Variants in TRIM17 observed in about 807,000 individuals in gnomAD.
TRIM17 encodes the protein tripartite motif containing 17.
A neutral mutation model predicts 35.8 loss-of-function variants in TRIM17; 27 were observed. The ratio of observed to expected loss-of-function variants is 0.75; its 90% CI spans 0.56 to 1.04. TRIM17 has a LOEUF of 1.04. Among genes scored for constraint, TRIM17 ranks in the 50% least tolerant of loss-of-function variants. TRIM17 has a pLI of 0.00. For missense variants in TRIM17, 582 were observed against 612.8 expected, an observed-to-expected ratio of 0.95 and a Z score of 0.53; for synonymous variants, 246 against 252.6, an observed-to-expected ratio of 0.97 and a Z score of 0.25.
At chr1:228,409,367 C>T (rs1392600420) in intron 5 of TRIM17, 22 bp downstream of exon 5, 24 of 1,588,420 alleles carry the variant, frequency 1.5e-5, no homozygotes, top group Non-Finnish European at 2.0e-5. Context: ...TGCCCCCGCC[C>T]CTGCCTGAGG....
chr1:228,408,186 T>A lies in TRIM17; in HGVS notation c.*15A>T. ...TGCAGAGCCAGGAGCAGTGCCCGAGTCCCCCGGTCTGTGTCTATCCTTTCA... is the reference window on the plus strand; with the variant it reads ...TGCAGAGCCAGGAGCAGTGCCCGAGACCCCCGGTCTGTGTCTATCCTTTCA... On this transcript the variant is annotated 3_prime_UTR_variant, in exon 7 of 7. Coordinates refer to ENST00000366698, the MANE Select transcript of TRIM17 (RefSeq NM_016102.4). This position sits in a 1 kb window ranked among gnomAD's most constrained non-coding sequence, Gnocchi z 6.3. 1 of 1,509,232 alleles carries A rather than the reference T, an allele frequency of 6.6e-7. No individual in the cohort carries two copies. The highest frequency in any genetic ancestry group is 1.4e-5 in the African/African-American group (1 of 71,430). 93.5% of individuals were successfully genotyped at this position (1,509,232 alleles called of 1,614,324 possible).
chr1:228,409,258 A>G lies in TRIM17; in HGVS notation c.797T>C (p.Val266Ala). Residue 266 changes from valine to alanine, a missense_variant, in exon 6 of 7, where the codon GTG (valine) becomes GCG (alanine). Coordinates refer to ENST00000366698, the MANE Select transcript of TRIM17 (RefSeq NM_016102.4). ...EPLSRKNNVS[V>A]QCPEVAPPTR... ...TGGGGGGGCAACCTCTGGGCACTGC[A>G]CACTCACGTTGTTCTTCCTCCGGTG... is the stretch of plus-strand genomic sequence containing the variant. 1.2e-6 allele frequency: 2 copies of G among 1,613,728 alleles called. No homozygotes were observed. The highest frequency in any genetic ancestry group is 4.5e-5 in the East Asian group (2 of 44,842).
At position 228,410,874 on chromosome 1, in the gene TRIM17, C is replaced by T. The variant is rs1656736290; in HGVS notation, c.756+72G>A. 1 of 1,169,838 alleles carries T rather than the reference C, an allele frequency of 8.5e-7. No homozygotes were observed. Among genetic ancestry groups the T allele is most frequent in the African/African-American group, 1.5e-5 (1 of 64,584 alleles). The allele number at this position is 1,169,838 out of a possible 1,614,324, so 72.5% of individuals were successfully genotyped here. A position where few individuals can be genotyped will look rare whatever the true frequency, so the allele number is the denominator to read the frequency against. On this transcript the variant is annotated intron_variant, in intron 4 of 6. Coordinates refer to ENST00000366698, the MANE Select transcript of TRIM17 (RefSeq NM_016102.4). The surrounding 1 kb of genome is among the most constrained non-coding windows in gnomAD (Gnocchi z 4.6). ...CCTTTCCCGTTGGCTGCCTCTTCCC[C>T]AAGCCCAGCGCCCCCTGCCCATGCC...
chr1:228,411,070 T>C lies in TRIM17; in HGVS notation c.632A>G (p.Glu211Gly), dbSNP rs1362210691. 2.5e-6 allele frequency: 4 copies of C among 1,613,878 alleles called. No homozygotes were observed. In the African/African-American group the frequency reaches 5.3e-5, roughly 22 times the overall value. The change falls in exon 4 of 7, where the codon GAA (glutamate) becomes GGA (glycine). Residue 211 changes from glutamate (E) to glycine (G), a missense_variant. By Grantham distance (98) the Glu-to-Gly change is moderately conservative. Coordinates refer to ENST00000366698, the MANE Select transcript of TRIM17 (RefSeq NM_016102.4). This position sits in a 1 kb window ranked among gnomAD's most constrained non-coding sequence, Gnocchi z 4.2. Reference protein sequence around the residue: ...QRLLQALETEEEETASRLRES... With the variant: ...QRLLQALETEGEETASRLRES... The stretch of plus-strand genomic sequence containing the variant: ...CCGGAGCCTGCTGGCAGTCTCCTCT[T>C]CTTCCGTCTCCAGAGCCTGGAGGAG...
chr1:228,409,578 T>C, intron 4 of TRIM17, 167 bp from the exon 5 acceptor site: 1 of 603,952 alleles, frequency 1.7e-6, no homozygotes, highest in Non-Finnish European at 2.8e-6. Flanking sequence ...CCCACTGCCC[T>C]AGCTCCCACT....
Position 228,416,745 on chromosome 1 carries a change from G to C in TRIM17, c.-248C>G, listed in dbSNP as rs1313253029. On this transcript the variant is annotated 5_prime_UTR_variant, in exon 1 of 7. Transcript: ENST00000366698. ...GGGAATGCTGGGCGAGGGAGTGTTC[G>C]GCGGCCGGGACTGGGGCGGCGCCTC... is the stretch of plus-strand genomic sequence containing the variant. 7 of 983,364 alleles carry C rather than the reference G, an allele frequency of 7.1e-6. No homozygotes were observed. The highest frequency in any genetic ancestry group is 8.4e-6 in the Non-Finnish European group (7 of 828,688). 60.9% of individuals were successfully genotyped at this position (983,364 alleles called of 1,614,324 possible).
chr1:228,415,451 T>C (rs1657055508), intron 1 of TRIM17: 1 of 194,788 alleles, frequency 5.1e-6, no homozygotes, highest in Non-Finnish European at 1.1e-5. Flanking sequence ...AACCTGCCTT[T>C]CTGGAGAAGC....
At position 228,416,689 on chromosome 1, in the gene TRIM17, C is replaced by T; in HGVS notation, c.-192G>A. ...GTCGGGAGGCCTAGGGACTTTGTGG[C>T]GTCAGCGGGGGCTGGGGGGCGGCGG... On this transcript the variant is annotated 5_prime_UTR_variant, in exon 1 of 7. Transcript: ENST00000366698. 1 of 854,444 alleles carries T rather than the reference C, an allele frequency of 1.2e-6. No individual in the cohort carries two copies. The highest frequency in any genetic ancestry group is 1.4e-6 in the Non-Finnish European group (1 of 735,408). The allele number at this position is 854,444 out of a possible 1,614,324, so 52.9% of individuals were successfully genotyped here. A position where few individuals can be genotyped will look rare whatever the true frequency, so the allele number is the denominator to read the frequency against.
rs1574104786 is a variant in TRIM17, at chr1:228,416,683, T to C, written c.-186A>G. The C allele has an allele frequency of 2.0e-6, 2 of 978,234 alleles. No individual in the cohort carries two copies. Among genetic ancestry groups the C allele is most frequent in the Non-Finnish European group, 2.4e-6 (2 of 826,984 alleles). 60.6% of individuals were successfully genotyped at this position (978,234 alleles called of 1,614,324 possible). A position where few individuals can be genotyped will look rare whatever the true frequency, so the allele number is the denominator to read the frequency against. On this transcript the variant is annotated 5_prime_UTR_variant, in exon 1 of 7. Transcript: ENST00000366698. ...CCTGGGGTCGGGAGGCCTAGGGACT[T>C]TGTGGCGTCAGCGGGGGCTGGGGGG... is the stretch of plus-strand genomic sequence containing the variant.
In TRIM17 at chr1:228,411,129, C is replaced by G. The variant is rs1294354661; in HGVS notation, c.573G>C (p.Lys191Asn). 6.8e-6 allele frequency: 11 copies of G among 1,614,066 alleles called. No individual in the cohort carries two copies. Among genetic ancestry groups the G allele is most frequent in the Middle Eastern group, 1.7e-4 (1 of 6,058 alleles). ...RRERIVLEFE[K>N]MNLYLVEEEQ... Reference sequence around the variant, plus strand: ...CTTCTTCCACCAGGTAGAGGTTCATCTTCTCAAACTCCAGCACAATGCGTT... The same window carrying G: ...CTTCTTCCACCAGGTAGAGGTTCATGTTCTCAAACTCCAGCACAATGCGTT... Residue 191 changes from lysine (K) to asparagine (N), a missense_variant, in exon 4 of 7, where the codon AAG becomes AAC. By Grantham distance (94) the Lys-to-Asn change is moderately conservative. Transcript: ENST00000366698. This position sits in a 1 kb window ranked among gnomAD's most constrained non-coding sequence, Gnocchi z 4.2.
intron 3 of TRIM17, among the ~76,000 whole-genome samples, chr1:228,413,445 C>T (rs374811725): frequency 1.3e-5 from 2 of 151,470 alleles, no homozygotes; most frequent in African/African-American, 4.9e-5. Context: ...ATTGAGCCCC[C>T]ACCTTCTGGC....
At chr1:228,414,556 ACCT>A in intron 2 of TRIM17, 85 bp downstream of exon 2, 1 of 1,166,804 alleles carries the variant, frequency 8.6e-7, no homozygotes, top group Non-Finnish European at 1.2e-6. Context: ...GTCCCTGGAC[ACCT>A]CCTCCCTCCC....
chr1:228,414,108 C>T (rs1558458577), intron 2 of TRIM17, among the ~76,000 whole-genome samples: 2 of 152,222 alleles, frequency 1.3e-5, no homozygotes, highest in African/African-American at 4.8e-5. Flanking sequence ...GACCCTCGGC[C>T]TTCCTAAGAG....
At position 228,414,975 on chromosome 1, in the gene TRIM17, T is replaced by C; in HGVS notation, c.98A>G (p.His33Arg). 1 of 1,613,288 alleles carries C rather than the reference T, an allele frequency of 6.2e-7. No homozygotes were observed. Among genetic ancestry groups the C allele is most frequent in the Non-Finnish European group, 8.5e-7 (1 of 1,180,022 alleles). The change falls in exon 2 of 7, where the codon CAC becomes CGC. Residue 33 changes from histidine to arginine, a missense_variant. His to Arg is a conservative substitution (Grantham distance 29). Coordinates refer to ENST00000366698, the MANE Select transcript of TRIM17 (RefSeq NM_016102.4). ...CTGGATGCAGGCTCGGCAGAAGTTG[T>C]GGCCACAGGTGGTCATCACAGGGTC... ...FTDPVMTTCG[H>R]NFCRACIQLS...
rs200403051 is a variant in TRIM17 at position 228,413,845 on chromosome 1, C to T, written c.477G>A (p.Arg159=). 133 of 1,614,110 alleles carry T rather than the reference C, an allele frequency of 8.2e-5. No homozygotes were observed. Among genetic ancestry groups the T allele is most frequent in the Non-Finnish European group, 1.1e-4 (125 of 1,180,048 alleles). The change falls in exon 3 of 7, where the codon AGG becomes AGA. Residue 159 remains arginine, a synonymous_variant. Coordinates refer to ENST00000366698, the MANE Select transcript of TRIM17 (RefSeq NM_016102.4). ...DMEYLREQIT[R]TGNLQAREEQ... is the part of the protein sequence containing the mutation. ...CCTCCCTGGCCTGCAGATTCCCTGT[C>T]CTGGTGATCTGCTCCCGAAGGTACT... is the stretch of plus-strand genomic sequence containing the variant.
intron 4 of TRIM17, 79 bp from the exon 5 acceptor site, chr1:228,409,490 G>T (rs1002025669): frequency 2.2e-6 from 3 of 1,373,036 alleles, no homozygotes; most frequent in Admixed American, 2.9e-5. Context: ...CTTCTTGTCC[G>T]TGTCTTAGGG....
Position 228,409,374 on chromosome 1 carries a change from G to A in TRIM17, c.779+15C>T. The A allele has an allele frequency of 6.3e-7, 1 of 1,582,440 alleles. No individual in the cohort carries two copies. Among genetic ancestry groups the A allele is most frequent in the East Asian group, 2.3e-5 (1 of 44,102 alleles). ...GCTGCCACTGCCCCCGCCCCTGCCT[G>A]AGGGGACCACATACCTGCTCAGGGG... is the stretch of plus-strand genomic sequence containing the variant. On this transcript the variant is annotated intron_variant, in intron 5 of 6. Transcript: ENST00000366698.
intron 1 of TRIM17, 42 bp from the exon 2 acceptor site, chr1:228,415,155 G>C: frequency 2.0e-6 from 3 of 1,472,538 alleles, no homozygotes; most frequent in East Asian, 2.4e-5. Flanking sequence ...TCTGGGCGCC[G>C]GCAGTGTGCA....
In TRIM17 at chr1:228,412,336, G is replaced by A. The variant is rs12025837; in HGVS notation, c.526-1160C>T. 3.6e-3 allele frequency among the ~76,000 whole-genome samples: 551 copies of A among 152,064 alleles called. 9 individuals carry two copies. Among genetic ancestry groups the A allele is most frequent in the East Asian group, 0.025 (130 of 5,172 alleles). On this transcript the variant is annotated intron_variant, in intron 3 of 6. Coordinates refer to ENST00000366698, the MANE Select transcript of TRIM17 (RefSeq NM_016102.4). ...CCTGTGAAATGCCATGCACCCCGAC[G>A]ACACCTGCACAGAATGGGCCTGCTG...
Sources: gnomAD v4.1 joint callset for allele counts (sites outside exome capture counted in the v4.1 genomes callset) on GRCh38, gnomAD v4.1.1 for gene constraint, Gnocchi (gnomAD v3.1) non-coding constraint, MANE v1.5 for transcripts, NCBI Gene and HGNC (gene_info 2026-07-23, HGNC 2026-07-21) for gene names.